LONRF2: variants seen among roughly 807,000 people sequenced by gnomAD.
LONRF2 encodes LON peptidase N-terminal domain and ring finger 2.
In LONRF2, 35 loss-of-function variants were observed where a neutral mutation model predicts 66.6. That is an observed-to-expected ratio of 0.53 (90% CI 0.40 to 0.70). The LOEUF (loss-of-function observed/expected upper bound fraction) is 0.70. Among genes scored for constraint, LONRF2 ranks in the 30% least tolerant of loss-of-function variants. The pLI is 0.00. For synonymous variants in LONRF2, 417 were observed against 418.1 expected (o/e 1.00, Z 0.03); for missense variants, 902 against 1,002.1 (o/e 0.90, Z 1.35).
At chr2:100,300,106 T>C (rs1216209957) in intron 4 of LONRF2, among the ~76,000 whole-genome samples, 188 bp from the exon 5 acceptor site, 1 of 152,122 alleles carries the variant, frequency 6.6e-6, no homozygotes, top group Non-Finnish European at 1.5e-5. Context: ...AAATACAGGA[T>C]AATTTCTTCC....
At chr2:100,318,514 C>T (rs1256750900) in intron 1 of LONRF2, among the ~76,000 whole-genome samples, 9 of 152,082 alleles carry the variant, frequency 5.9e-5, no homozygotes, top group East Asian at 1.9e-4. Flanking sequence ...TACCACACTT[C>T]GCTAAGGTCA....
At chr2:100,313,378 C>A (rs1230546687) in intron 1 of LONRF2, among the ~76,000 whole-genome samples, 1 of 152,072 alleles carries the variant, frequency 6.6e-6, no homozygotes, top group East Asian at 1.9e-4. Flanking sequence ...GCCTGTAATT[C>A]CAGCTACTTG....
intron 10 of LONRF2, 56 bp downstream of exon 10, chr2:100,290,202 C>A: frequency 6.6e-7 from 1 of 1,520,138 alleles, no homozygotes; most frequent in Non-Finnish European, 8.9e-7. Context: ...TTCCACAATG[C>A]AAAGGGAAGC....
chr2:100,298,856 A>G lies in LONRF2; in HGVS notation c.1456T>C (p.Cys486Arg). ...CTTACTTCCGAAAGTTTGTCTTTGCACAAAGGACAGTGTGGGGCGTGGTCA... is the reference window on the plus strand; with the variant it reads ...CTTACTTCCGAAAGTTTGTCTTTGCGCAAAGGACAGTGTGGGGCGTGGTCA... ...CLDHAPHCPLCKDKLSELLAS... is the reference protein window; with the variant it reads ...CLDHAPHCPLRKDKLSELLAS... Residue 486 changes from cysteine (C) to arginine (R), a missense_variant, in exon 7 of 12, where the codon TGC becomes CGC. This residue lies in a region of LONRF2 where 317 missense variants were observed against 432.2 expected (regional missense o/e 0.73). Coordinates refer to ENST00000393437, the MANE Select transcript of LONRF2 (RefSeq NM_198461.4). 1 of 1,614,074 alleles carries G rather than the reference A, an allele frequency of 6.2e-7. No homozygotes were observed. Among genetic ancestry groups the G allele is most frequent in the Non-Finnish European group, 8.5e-7 (1 of 1,179,920 alleles).
In LONRF2 at chr2:100,300,802, A is replaced by G. The variant is rs1675170620; in HGVS notation, c.922-15T>C. ...TCACACATTACCTATAAAATTGCCA[A>G]GAAAAGAAAAAATATATATTTTAAA... On this transcript the variant is annotated splice_polypyrimidine_tract_variant and intron_variant, in intron 3 of 11. Coordinates refer to ENST00000393437, the MANE Select transcript of LONRF2 (RefSeq NM_198461.4). The G allele has an allele frequency of 1.9e-6, 3 of 1,562,336 alleles. No homozygotes were observed. Among genetic ancestry groups the G allele is most frequent in the Non-Finnish European group, 2.6e-6 (3 of 1,159,676 alleles).
At chr2:100,284,851 T>C (rs551411338) in intron 11 of LONRF2, among the ~76,000 whole-genome samples, 2 of 152,338 alleles carry the variant, frequency 1.3e-5, no homozygotes, top group African/African-American at 4.8e-5. Flanking sequence ...TTATTTTTTA[T>C]GTCTTAAGCA....
At position 100,281,607 on chromosome 2, in the gene LONRF2, T is replaced by C. The variant is rs1264366624; in HGVS notation, c.*2691A>G. On this transcript the variant is annotated 3_prime_UTR_variant, in exon 12 of 12. Coordinates refer to ENST00000393437, the MANE Select transcript of LONRF2 (RefSeq NM_198461.4). Reference sequence around the variant, plus strand: ...CAGGTTTGGGCGATGAATGGAAAAATACAGAACAGCATGTATTGTTCCTCA... The same window carrying C: ...CAGGTTTGGGCGATGAATGGAAAAACACAGAACAGCATGTATTGTTCCTCA... 1 of 151,980 alleles carries C rather than the reference T, an allele frequency of 6.6e-6. No homozygotes were observed. Among genetic ancestry groups the C allele is most frequent in the Non-Finnish European group, 1.5e-5 (1 of 67,992 alleles). The allele number at this position is 151,980 out of a possible 1,614,324, so 9.4% of individuals were successfully genotyped here.
At chr2:100,315,080 A>G (rs1187841757) in intron 1 of LONRF2, among the ~76,000 whole-genome samples, 2 of 152,220 alleles carry the variant, frequency 1.3e-5, no homozygotes, top group Non-Finnish European at 2.9e-5. Flanking sequence ...CCATGAAAAA[A>G]AATGATATAT....
chr2:100,320,571 C>T (rs1163871706), intron 1 of LONRF2, among the ~76,000 whole-genome samples: 1 of 152,142 alleles, frequency 6.6e-6, no homozygotes, highest in Non-Finnish European at 1.5e-5. Flanking sequence ...ATTTTAGTAA[C>T]AAGAGATTCA....
chr2:100,296,650 C>T (rs761266421), intron 7 of LONRF2, among the ~76,000 whole-genome samples: 6 of 152,172 alleles, frequency 3.9e-5, no homozygotes, highest in South Asian at 2.1e-4. Context: ...ACTTTGGAAA[C>T]GCCTATGTTT....
intron 3 of LONRF2, 74 bp from the exon 4 acceptor site, chr2:100,300,861 T>C: frequency 2.5e-6 from 3 of 1,215,570 alleles, no homozygotes; most frequent in Non-Finnish European, 3.2e-6. Flanking sequence ...GTCTTATAGA[T>C]TCAGAGGAAA....
At chr2:100,297,167 C>A (rs926093407) in intron 7 of LONRF2, among the ~76,000 whole-genome samples, 2 of 151,628 alleles carry the variant, frequency 1.3e-5, no homozygotes, top group African/African-American at 2.4e-5. Flanking sequence ...CTCGCTCTGT[C>A]GCCCGGGCTG....
Position 100,281,689 on chromosome 2 carries a change from TAACGAGAGCATG to T in LONRF2, c.*2597_*2608del, listed in dbSNP as rs1266009716. 6.6e-6 allele frequency: 1 copy of T among 152,168 alleles called. No homozygotes were observed. Among genetic ancestry groups the T allele is most frequent in the Non-Finnish European group, 1.5e-5 (1 of 68,028 alleles). 9.4% of individuals were successfully genotyped at this position (152,168 alleles called of 1,614,324 possible). A position where few individuals can be genotyped will look rare whatever the true frequency, so the allele number is the denominator to read the frequency against. On this transcript the variant is annotated 3_prime_UTR_variant, in exon 12 of 12. Coordinates refer to ENST00000393437, the MANE Select transcript of LONRF2 (RefSeq NM_198461.4). ...ACTCTTTTCTGCTTTGATTCCAATG[TAACGAGAGCATG>T]CCTATTGGAGCACTTTCAGTACAAT...
At position 100,321,781 on chromosome 2, in the gene LONRF2, C is replaced by A. The variant is rs1317462997; in HGVS notation, c.313G>T (p.Ala105Ser). 1.1e-5 allele frequency: 12 copies of A among 1,046,492 alleles called. No homozygotes were observed. The highest frequency in any genetic ancestry group is 1.4e-5 in the Non-Finnish European group (12 of 871,580). The allele number at this position is 1,046,492 out of a possible 1,614,324, so 64.8% of individuals were successfully genotyped here. The change falls in exon 1 of 12, where the codon GCC becomes TCC. Residue 105 changes from alanine (A) to serine (S), a missense_variant. Physicochemically the swap from Ala to Ser is moderately conservative, Grantham distance 99. Around this residue, in one of 2 missense-constraint regions of LONRF2, gnomAD observed 585 missense variants for 569.9 expected, o/e 1.03. Coordinates refer to ENST00000393437, the MANE Select transcript of LONRF2 (RefSeq NM_198461.4). ...LEELAGGLVR[A>S]VGLRDRPLSA... The stretch of plus-strand genomic sequence containing the variant: ...AGCGGCCGGTCGCGCAGGCCCACGG[C>A]GCGCACCAGGCCGCCCGCCAGCTCT...
intron 2 of LONRF2, among the ~76,000 whole-genome samples, chr2:100,303,438 A>C (rs1675227166): frequency 6.6e-6 from 1 of 152,250 alleles, no homozygotes; most frequent in Non-Finnish European, 1.5e-5. Context: ...CAATTACAAT[A>C]CAAATCATAA....
chr2:100,302,990 C>T lies in LONRF2; in HGVS notation c.852G>A (p.Val284=). ...CAAGGCAGTAGAGAAATTCCTTTAA[C>T]ACTTCCTTACTTCTTCCCAATCCAG... ...ALSGLGRSKE[V]LKEFLYCLAL... Residue 284 remains valine (V), a synonymous_variant, in exon 3 of 12, where the codon GTG becomes GTA. Transcript: ENST00000393437. 7 of 1,611,756 alleles carry T rather than the reference C, an allele frequency of 4.3e-6. No homozygotes were observed. The highest frequency in any genetic ancestry group is 5.9e-6 in the Non-Finnish European group (7 of 1,178,658).
At chr2:100,286,493 G>A (rs1302271151) in intron 11 of LONRF2, among the ~76,000 whole-genome samples, 2 of 152,182 alleles carry the variant, frequency 1.3e-5, no homozygotes, top group East Asian at 1.9e-4. Flanking sequence ...AGGAAGTCAC[G>A]CTACTAATGT....
intron 10 of LONRF2, among the ~76,000 whole-genome samples, chr2:100,287,354 A>G (rs1674868531): frequency 6.6e-6 from 1 of 152,200 alleles, no homozygotes; most frequent in African/African-American, 2.4e-5. Context: ...ATACATGCCA[A>G]TTTACTTAAC....
rs1036504672 is a variant in LONRF2 at position 100,321,687 on chromosome 2, G to A, written c.407C>T (p.Ala136Val). The A allele has an allele frequency of 8.0e-6, 10 of 1,244,320 alleles. No homozygotes were observed. The Admixed American group carries it at 2.6e-4, about 32-fold the overall frequency. 77.1% of individuals were successfully genotyped at this position (1,244,320 alleles called of 1,614,324 possible). A position where few individuals can be genotyped will look rare whatever the true frequency, so the allele number is the denominator to read the frequency against. ...CGGGCAGCCGAGCAGGTCGCGGGGCGCGCGGGGCTCCGGGGCCGGCCCTCC... is the reference window on the plus strand; with the variant it reads ...CGGGCAGCCGAGCAGGTCGCGGGGCACGCGGGGCTCCGGGGCCGGCCCTCC... ...GEGGPAPEPR[A>V]PRDLLGCPRC... is the part of the protein sequence containing the mutation. The change falls in exon 1 of 12, where the codon GCG becomes GTG. Residue 136 changes from alanine to valine, a missense_variant. Ala to Val is a moderately conservative substitution (Grantham distance 64). Transcript: ENST00000393437.
Sources: gnomAD v4.1 joint callset for allele counts (sites outside exome capture counted in the v4.1 genomes callset) on GRCh38, gnomAD v4.1.1 for gene constraint, gnomAD v4.1.1 regional missense constraint, MANE v1.5 for transcripts, NCBI Gene and HGNC (gene_info 2026-07-23, HGNC 2026-07-21) for gene names.